OPA3: variants seen among roughly 807,000 people sequenced by gnomAD.
The protein encoded by OPA3 is outer mitochondrial membrane lipid metabolism regulator OPA3.
Under a neutral mutation model 4.0 loss-of-function variants are expected in OPA3, and 6 were observed. The ratio of observed to expected loss-of-function variants is 1.51; its 90% CI spans 0.83 to 2.99. The LOEUF (loss-of-function observed/expected upper bound fraction) is 2.99, where lower values mean the gene tolerates loss of function less well. Among genes scored for constraint, OPA3 ranks in the 30% most tolerant of loss-of-function variants. OPA3 has a pLI of 0.00. For missense variants in OPA3, 235 were observed against 256.2 expected, an observed-to-expected ratio of 0.92 and a Z score of 0.56; for synonymous variants, 105 against 117.1, an observed-to-expected ratio of 0.90 and a Z score of 0.67.
chr19:45,553,467 T>A lies in OPA3; in HGVS notation c.*47A>T, dbSNP rs1249193639. On this transcript the variant is annotated 3_prime_UTR_variant, in exon 2 of 2. Transcript: ENST00000263275. ...AGGGTGGTGCGGGAAGAAGGCCACG[T>A]TAGGTACATAGGCCATGTCCAAATT... is the stretch of plus-strand genomic sequence containing the variant. The A allele has an allele frequency of 6.2e-7, 1 of 1,609,316 alleles. No individual in the cohort carries two copies. The highest frequency in any genetic ancestry group is 1.3e-5 in the African/African-American group (1 of 74,920).
chr19:45,529,584 G>T, intron 1 of OPA3: 1 of 1,145,476 alleles, frequency 8.7e-7, no homozygotes, highest in Non-Finnish European at 1.3e-6. Context: ...CGTGCTGGCG[G>T]GGACGCCTTA....
chr19:45,577,336 A>T (rs532699278), intron 1 of OPA3, among the ~76,000 whole-genome samples: 104 of 152,354 alleles, frequency 6.8e-4, no homozygotes, highest in African/African-American at 2.3e-3. Context: ...TGGTCAGCTC[A>T]GGACGCCTGA....
intron 1 of OPA3, among the ~76,000 whole-genome samples, chr19:45,567,933 G>A (rs972401621): frequency 6.6e-6 from 1 of 152,158 alleles, no homozygotes; most frequent in Admixed American, 6.6e-5. Context: ...GTAGCTTCAA[G>A]CCAGTCTCTG....
intron 1 of OPA3, among the ~76,000 whole-genome samples, chr19:45,576,732 C>G (rs953683403): frequency 2.0e-5 from 3 of 152,132 alleles, no homozygotes; most frequent in Non-Finnish European, 4.4e-5. Flanking sequence ...CAGCATCCCT[C>G]AAATCATTCC....
intron 1 of OPA3, among the ~76,000 whole-genome samples, chr19:45,534,678 G>A (rs1259744800): frequency 6.6e-6 from 1 of 151,184 alleles, no homozygotes; most frequent in Non-Finnish European, 1.5e-5. Flanking sequence ...TGTTGCCCAG[G>A]CTGGAGTGCA....
intron 1 of OPA3, among the ~76,000 whole-genome samples, chr19:45,577,999 C>A (rs1363377875): frequency 6.6e-6 from 1 of 152,138 alleles, no homozygotes; most frequent in African/African-American, 2.4e-5. Flanking sequence ...CGCCTGTAAT[C>A]CTGAAACTGC....
chr19:45,529,368 G>A, exon 2 of OPA3: 1 of 1,614,216 alleles, frequency 6.2e-7, no homozygotes, highest in African/African-American at 1.3e-5. Flanking sequence ...CGCCCAGCTC[G>A]GCGGCTGCAC....
In OPA3 at chr19:45,561,532, C is replaced by A. The variant is rs190729422; in HGVS notation, c.143-7621G>T. Among the ~76,000 whole-genome samples, 340 of 152,244 alleles carry A rather than the reference C, an allele frequency of 2.2e-3. 1 individual carries two copies. Among genetic ancestry groups the A allele is most frequent in the African/African-American group, 7.9e-3 (329 of 41,528 alleles). On this transcript the variant is annotated intron_variant, in intron 1 of 1. Transcript: ENST00000263275. ...TGGCAAGACGGCCATGACGAACATG[C>A]TGGCTACTGAGAGGCTAAATCCCGT...
At chr19:45,573,581 G>A (rs559963202) in intron 1 of OPA3, among the ~76,000 whole-genome samples, 54 of 152,210 alleles carry the variant, frequency 3.5e-4, no homozygotes, top group African/African-American at 1.3e-3. Context: ...ATAAAACTGA[G>A]GCCCAGAGAG....
chr19:45,545,766 G>A (rs1969242362), downstream of OPA3, among the ~76,000 whole-genome samples: 1 of 141,760 alleles, frequency 7.1e-6, no homozygotes, highest in African/African-American at 2.7e-5. Flanking sequence ...AGGCTGGAGT[G>A]CAGTGGTGTG....
At position 45,583,651 on chromosome 19, in the gene OPA3, G is replaced by A. The variant is rs574865232; in HGVS notation, c.142+972C>T. ...CAAGTAGCTGGGATTACAGGTGTGCGCCACCACACCCAGCTAATTTTTGTA... is the reference window on the plus strand; with the variant it reads ...CAAGTAGCTGGGATTACAGGTGTGCACCACCACACCCAGCTAATTTTTGTA... On this transcript the variant is annotated intron_variant, in intron 1 of 1. Transcript: ENST00000263275. Among the ~76,000 whole-genome samples, 353 of 152,162 alleles carry A rather than the reference G, an allele frequency of 2.3e-3. 2 individuals carry two copies. Among genetic ancestry groups the A allele is most frequent in the African/African-American group, 7.5e-3 (313 of 41,508 alleles).
chr19:45,567,677 C>CA (rs1481120572), intron 1 of OPA3, among the ~76,000 whole-genome samples: 1 of 151,816 alleles, frequency 6.6e-6, no homozygotes, highest in Non-Finnish European at 1.5e-5. Context: ...AAGAATATAC[C>CA]AAAAAAATCA....
chr19:45,547,609 C>T lies in OPA3; in HGVS notation c.*5905G>A, dbSNP rs116705343. 955 of 153,346 alleles carry T rather than the reference C, an allele frequency of 6.2e-3. 14 individuals carry two copies. Among genetic ancestry groups the T allele is most frequent in the African/African-American group, 0.021 (876 of 41,574 alleles). The allele number at this position is 153,346 out of a possible 1,614,324, so 9.5% of individuals were successfully genotyped here. A position where few individuals can be genotyped will look rare whatever the true frequency, so the allele number is the denominator to read the frequency against. ...TCTGAAGCGCTGCCTCCTCCCTGCC[C>T]ACCTGTCTAGATCAGCGGTGCCCGT... On this transcript the variant is annotated 3_prime_UTR_variant, in exon 2 of 2. Transcript: ENST00000263275.
intron 1 of OPA3, among the ~76,000 whole-genome samples, chr19:45,579,989 CTT>C (rs869294945): frequency 4.1e-5 from 5 of 121,168 alleles, no homozygotes; most frequent in African/African-American, 2.4e-4. Flanking sequence ...CATTTTCTTT[CTT>C]TTTTTTTTTC....
In OPA3 at chr19:45,552,991, T is replaced by C; in HGVS notation, c.*523A>G. 2.0e-6 allele frequency: 2 copies of C among 993,640 alleles called. No individual in the cohort carries two copies. The highest frequency in any genetic ancestry group is 2.4e-6 in the Non-Finnish European group (2 of 835,210). The allele number at this position is 993,640 out of a possible 1,614,324, so 61.6% of individuals were successfully genotyped here. On this transcript the variant is annotated 3_prime_UTR_variant, in exon 2 of 2. Transcript: ENST00000263275. ...GCTCCCAGCCGCACCGTTTTTTTCC[T>C]CCTTAAGAGAGCACTGATGCTCAGC...
At chr19:45,576,350 G>A (rs1969766997) in intron 1 of OPA3, among the ~76,000 whole-genome samples, 1 of 152,162 alleles carries the variant, frequency 6.6e-6, no homozygotes, top group African/African-American at 2.4e-5. Context: ...AGCCAACATG[G>A]TGAAACCCTA....
intron 1 of OPA3, among the ~76,000 whole-genome samples, chr19:45,573,563 T>C (rs1343286508): frequency 2.0e-5 from 3 of 152,126 alleles, no homozygotes; most frequent in African/African-American, 7.2e-5. Context: ...AACAACCCAA[T>C]TACAAGCATA....
chr19:45,565,072 GAA>G (rs368647697), intron 1 of OPA3, among the ~76,000 whole-genome samples: 6 of 144,644 alleles, frequency 4.1e-5, no homozygotes, highest in Non-Finnish European at 6.1e-5. Flanking sequence ...TAAAAATAAA[GAA>G]AAAAAAAAAA....
chr19:45,569,783 G>C (rs1199654212), intron 1 of OPA3, among the ~76,000 whole-genome samples: 1 of 152,086 alleles, frequency 6.6e-6, no homozygotes, highest in Admixed American at 6.6e-5. Flanking sequence ...ACAATGCCTG[G>C]AGCCGCAGCA....
Sources: allele counts gnomAD v4.1 joint callset (sites outside exome capture counted in the v4.1 genomes callset), GRCh38; gene constraint gnomAD v4.1.1; transcripts MANE v1.5; gene names NCBI Gene and HGNC (gene_info 2026-07-23, HGNC 2026-07-21).